The following MTUS2 variants were observed in gnomAD, a reference collection of about 807,000 sequenced individuals.
The protein encoded by MTUS2 is microtubule associated scaffold protein 2, also known as microtubule-associated tumor suppressor candidate 2.
A neutral mutation model predicts 114.1 loss-of-function variants in MTUS2; 40 were observed. The ratio of observed to expected loss-of-function variants is 0.35; its 90% CI spans 0.27 to 0.46. The LOEUF is 0.46. Ranked by LOEUF, MTUS2 falls within the 20% of genes least tolerant of loss-of-function variation. The probability of loss-of-function intolerance (pLI) is 1.00; values close to 1 mark genes in which losing one functional copy is unlikely to be tolerated. For missense variants in MTUS2, 1,679 were observed against 1,705.4 expected (o/e 0.98, Z 0.27); for synonymous variants, 688 against 672.0 (o/e 1.02, Z -0.37).
At chr13:29,397,465 C>G (rs141122714) in intron 8 of MTUS2, among the ~76,000 whole-genome samples, 2 of 152,310 alleles carry the variant, frequency 1.3e-5, no homozygotes, top group East Asian at 3.9e-4. Flanking sequence ...GGGGGAGTCT[C>G]CAGACCAGCA....
intron 2 of MTUS2, among the ~76,000 whole-genome samples, chr13:28,909,803 C>G (rs1880290099): frequency 6.6e-6 from 1 of 152,196 alleles, no homozygotes; most frequent in South Asian, 2.1e-4. Flanking sequence ...CCAAAATCTC[C>G]TTAAGCTCAT....
chr13:29,069,498 A>C (rs1888813819), intron 4 of MTUS2, among the ~76,000 whole-genome samples: 2 of 152,170 alleles, frequency 1.3e-5, no homozygotes, highest in South Asian at 4.1e-4. Context: ...CAGTCAACCA[A>C]TTCAAATGCT....
At chr13:29,442,082 G>A (rs1010303534) in intron 9 of MTUS2, among the ~76,000 whole-genome samples, 1 of 152,152 alleles carries the variant, frequency 6.6e-6, no homozygotes, top group Admixed American at 6.5e-5. Flanking sequence ...GGTGGAGACA[G>A]CTGGGAGACC....
chr13:29,425,485 A>G (rs985975177), intron 8 of MTUS2, among the ~76,000 whole-genome samples: 3 of 152,176 alleles, frequency 2.0e-5, no homozygotes, highest in Non-Finnish European at 2.9e-5. Flanking sequence ...GACAAGTGAA[A>G]ATAAGGTAAC....
At chr13:29,255,134 A>G (rs938605842) in intron 5 of MTUS2, among the ~76,000 whole-genome samples, 2 of 152,312 alleles carry the variant, frequency 1.3e-5, no homozygotes, top group African/African-American at 4.8e-5. Context: ...ATTTTCTGAC[A>G]GCAGCCCCTG....
intron 5 of MTUS2, among the ~76,000 whole-genome samples, chr13:29,213,487 T>G (rs554425350): frequency 1.3e-5 from 2 of 152,362 alleles, no homozygotes; most frequent in Admixed American, 6.5e-5. Flanking sequence ...TTGTCAACTT[T>G]ATCAGCCTTT....
chr13:29,353,108 CAG>C (rs1292692849), intron 7 of MTUS2, among the ~76,000 whole-genome samples: 1 of 152,020 alleles, frequency 6.6e-6, no homozygotes, highest in Non-Finnish European at 1.5e-5. Flanking sequence ...GTTTACATGC[CAG>C]GGGATATTTT....
chr13:29,346,803 A>G (rs1296051451), intron 7 of MTUS2, among the ~76,000 whole-genome samples: 2 of 147,134 alleles, frequency 1.4e-5, no homozygotes, highest in Non-Finnish European at 1.5e-5. Flanking sequence ...AAAAGCAGAA[A>G]TGGCTTCCCT....
At chr13:29,110,099 G>A (rs181567357) in intron 5 of MTUS2, among the ~76,000 whole-genome samples, 217 of 152,344 alleles carry the variant, frequency 1.4e-3, no homozygotes, top group Non-Finnish European at 1.0e-3. Context: ...AGGCTATGGC[G>A]TGCCTTCAGC....
intron 4 of MTUS2, among the ~76,000 whole-genome samples, chr13:29,099,225 A>T (rs1001990614): frequency 1.3e-5 from 2 of 152,176 alleles, no homozygotes; most frequent in Admixed American, 6.5e-5. Context: ...TCTTTTTCAT[A>T]GTTGAGGTTT....
chr13:29,282,449 G>T (rs1898313031), intron 6 of MTUS2, among the ~76,000 whole-genome samples: 1 of 152,230 alleles, frequency 6.6e-6, no homozygotes, highest in Non-Finnish European at 1.5e-5. Flanking sequence ...TGGACATGCA[G>T]AATTCAGCTG....
At chr13:29,230,517 G>C (rs9314944) in intron 5 of MTUS2, among the ~76,000 whole-genome samples, 125,580 of 152,240 alleles carry the variant, frequency 0.82, 51,839 homozygotes, top group East Asian at 0.89. Flanking sequence ...ACAAATCCTA[G>C]CTGCTGTTAT....
intron 5 of MTUS2, among the ~76,000 whole-genome samples, chr13:29,197,674 C>G (rs1289976459): frequency 1.3e-5 from 2 of 152,154 alleles, no homozygotes; most frequent in Non-Finnish European, 2.9e-5. Flanking sequence ...ACACTCCCAC[C>G]GACAGTGTAA....
Position 29,078,401 on chromosome 13 carries a change from A to G in MTUS2, c.2447-22372A>G, listed in dbSNP as rs182488948. Reference sequence around the variant, plus strand: ...GCCCTTTGAAAGTGAAGATATTTATATAGATTGGGAAAACAGCCATAGCTC... The same window carrying G: ...GCCCTTTGAAAGTGAAGATATTTATGTAGATTGGGAAAACAGCCATAGCTC... On this transcript the variant is annotated intron_variant, in intron 4 of 15. Coordinates refer to ENST00000612955, the MANE Select transcript of MTUS2 (RefSeq NM_001033602.4). Among the ~76,000 whole-genome samples, 26 of 152,348 alleles carry G rather than the reference A, an allele frequency of 1.7e-4. No individual in the cohort carries two copies. The East Asian group carries it at 3.9e-3, about 23-fold the overall frequency.
intron 5 of MTUS2, among the ~76,000 whole-genome samples, chr13:29,162,147 A>G (rs1407523921): frequency 6.6e-6 from 1 of 151,982 alleles, no homozygotes; most frequent in Non-Finnish European, 1.5e-5. Flanking sequence ...TTCCCCCCTT[A>G]TTATAAGAAC....
rs559672728 is a variant in MTUS2, at chr13:29,392,025, G to A, written c.3117+32552G>A. 2.7e-4 allele frequency among the ~76,000 whole-genome samples: 41 copies of A among 151,458 alleles called. No individual in the cohort carries two copies. The South Asian group carries it at 8.1e-3, about 30-fold the overall frequency. Reference sequence around the variant, plus strand: ...GGCCTGTAATCTCAGCTGCTCTGGAGGCTGAGGCAGGAGAATCACTTGAAC... The same window carrying A: ...GGCCTGTAATCTCAGCTGCTCTGGAAGCTGAGGCAGGAGAATCACTTGAAC... On this transcript the variant is annotated intron_variant, in intron 8 of 15. Coordinates refer to ENST00000612955, the MANE Select transcript of MTUS2 (RefSeq NM_001033602.4).
chr13:29,247,653 T>A (rs1222237196), intron 5 of MTUS2, among the ~76,000 whole-genome samples: 1 of 152,162 alleles, frequency 6.6e-6, no homozygotes, highest in Non-Finnish European at 1.5e-5. Context: ...GAAAAAATGC[T>A]CATCATCACT....
chr13:29,073,035 A>G (rs1230008918), intron 4 of MTUS2, among the ~76,000 whole-genome samples: 2 of 152,018 alleles, frequency 1.3e-5, no homozygotes, highest in Non-Finnish European at 2.9e-5. Flanking sequence ...CTTCTATGAC[A>G]TTGGGTTAAC....
intron 2 of MTUS2, among the ~76,000 whole-genome samples, chr13:28,854,079 G>A (rs575418300): frequency 5.9e-5 from 9 of 152,286 alleles, no homozygotes; most frequent in African/African-American, 1.9e-4. Context: ...TGAGGGACTT[G>A]CTATTCAAAG....
Sources: allele counts gnomAD v4.1 joint callset (sites outside exome capture counted in the v4.1 genomes callset), GRCh38; gene constraint gnomAD v4.1.1; transcripts MANE v1.5; gene names NCBI Gene and HGNC (gene_info 2026-07-23, HGNC 2026-07-21).